Variants in ERN1 observed in about 807,000 individuals in gnomAD.
The protein encoded by ERN1 is serine/threonine-protein kinase/endoribonuclease IRE1.
A neutral mutation model predicts 113.1 loss-of-function variants in ERN1; 39 were observed. The observed-to-expected ratio is 0.34, with a 90% CI of 0.27 to 0.45. ERN1 has a LOEUF of 0.45. Among genes scored for constraint, ERN1 ranks in the 20% least tolerant of loss-of-function variants. The probability of loss-of-function intolerance (pLI) is 1.00; values close to 1 mark genes in which losing one functional copy is unlikely to be tolerated. For synonymous variants in ERN1, 507 were observed against 515.9 expected (o/e 0.98, Z 0.23); for missense variants, 976 against 1,274.8 (o/e 0.77, Z 3.57).
chr17:64,092,112 G>A (rs936014088), intron 2 of ERN1, among the ~76,000 whole-genome samples: 1 of 152,128 alleles, frequency 6.6e-6, no homozygotes, highest in African/African-American at 2.4e-5. Flanking sequence ...GGCATGGATG[G>A]TGGTCAGGAG....
At chr17:64,086,020 A>G (rs964360141) in intron 2 of ERN1, among the ~76,000 whole-genome samples, 1 of 152,190 alleles carries the variant, frequency 6.6e-6, no homozygotes, top group African/African-American at 2.4e-5. Context: ...ATCTCTATAA[A>G]GGGACAATGC....
At chr17:64,045,860 C>T (rs916601457) in intron 19 of ERN1, among the ~76,000 whole-genome samples, 1 of 152,214 alleles carries the variant, frequency 6.6e-6, no homozygotes, top group Admixed American at 6.5e-5. Context: ...GCATCCCGTG[C>T]TTTGTCTACT....
Position 64,060,520 on chromosome 17 carries a change from T to C in ERN1, c.1155A>G (p.Lys385=). The change falls in exon 11 of 22, where the codon AAA becomes AAG. Residue 385 remains lysine (K), a synonymous_variant. Coordinates refer to ENST00000433197, the MANE Select transcript of ERN1 (RefSeq NM_001433.5). ...MLERFPNNLP[K]HRENVIPADS... is the part of the protein sequence containing the mutation. Reference sequence around the variant, plus strand: ...CAGCAGGAATCACATTTTCCCGATGTTTGGGTAGATTGTTGGGAAATCTCT... The same window carrying C: ...CAGCAGGAATCACATTTTCCCGATGCTTGGGTAGATTGTTGGGAAATCTCT... 2 of 1,613,974 alleles carry C rather than the reference T, an allele frequency of 1.2e-6. No individual in the cohort carries two copies. Among genetic ancestry groups the C allele is most frequent in the Non-Finnish European group, 1.7e-6 (2 of 1,179,860 alleles).
chr17:64,051,216 G>C (rs1912673262), intron 17 of ERN1, among the ~76,000 whole-genome samples: 1 of 151,722 alleles, frequency 6.6e-6, no homozygotes, highest in South Asian at 2.1e-4. Context: ...ACAGAAAAAT[G>C]TCAGCTAACA....
intron 5 of ERN1, 171 bp downstream of exon 5, chr17:64,075,004 G>A (rs1450522169): frequency 1.0e-5 from 6 of 601,112 alleles, no homozygotes; most frequent in Non-Finnish European, 1.8e-5. Context: ...AGTTGGGGGA[G>A]CCCTTTCTTA....
intron 1 of ERN1, among the ~76,000 whole-genome samples, chr17:64,115,536 G>A (rs1415230833): frequency 6.6e-6 from 1 of 152,158 alleles, no homozygotes; most frequent in East Asian, 1.9e-4. Context: ...GTCCTGCCCA[G>A]AGCAGTTCCA....
At chr17:64,084,282 CT>C (rs1255997836) in intron 2 of ERN1, among the ~76,000 whole-genome samples, 1 of 152,184 alleles carries the variant, frequency 6.6e-6, no homozygotes, top group Non-Finnish European at 1.5e-5. Context: ...CTATTTCTCC[CT>C]AACACATGCT....
chr17:64,112,641 G>A (rs2143485609), intron 1 of ERN1, among the ~76,000 whole-genome samples: 1 of 152,280 alleles, frequency 6.6e-6, no homozygotes, highest in Admixed American at 6.5e-5. Context: ...TCCATAAAAT[G>A]GGGATAATGC....
rs889098408 is a variant in ERN1, at chr17:64,054,463, G to T, written c.1764-24C>A. 7 of 1,544,920 alleles carry T rather than the reference G, an allele frequency of 4.5e-6. No homozygotes were observed. Among genetic ancestry groups the T allele is most frequent in the Non-Finnish European group, 6.1e-6 (7 of 1,141,322 alleles). On this transcript the variant is annotated intron_variant, in intron 14 of 21. Transcript: ENST00000433197. This position sits in a 1 kb window ranked among gnomAD's most constrained non-coding sequence, Gnocchi z 4.9. ...CCCTGCGGGATGAGGAGTGGGAGTT[G>T]TGTCTGGGAAGCACGAGTCAGGCTG... is the stretch of plus-strand genomic sequence containing the variant.
chr17:64,098,391 T>G (rs1914289757), intron 1 of ERN1, 150 bp from the exon 2 acceptor site: 7 of 1,005,284 alleles, frequency 7.0e-6, no homozygotes, highest in Non-Finnish European at 1.1e-5. Flanking sequence ...AAATTCCCAC[T>G]CAGTCAGGAC....
chr17:64,044,258 T>G lies in ERN1; in HGVS notation c.2722-58A>C, dbSNP rs75766467. The G allele has an allele frequency of 7.1e-5, 87 of 1,221,798 alleles. No individual in the cohort carries two copies. In the East Asian group the frequency reaches 2.1e-3, roughly 30 times the overall value. 75.7% of individuals were successfully genotyped at this position (1,221,798 alleles called of 1,614,324 possible). ...AAGGGGTTAGAAAGCTCGGGAAATG[T>G]TGGCAAAACACCCTTTCATCATGCA... On this transcript the variant is annotated intron_variant, in intron 21 of 21. Transcript: ENST00000433197. The surrounding 1 kb of genome is among the most constrained non-coding windows in gnomAD (Gnocchi z 4.1).
At chr17:64,084,818 G>A (rs1183909330) in intron 2 of ERN1, among the ~76,000 whole-genome samples, 1 of 152,098 alleles carries the variant, frequency 6.6e-6, no homozygotes, top group Non-Finnish European at 1.5e-5. Flanking sequence ...CAGCCATGCC[G>A]GCCTCCAAGT....
chr17:64,108,281 T>A (rs930593233), intron 1 of ERN1, among the ~76,000 whole-genome samples: 1 of 152,106 alleles, frequency 6.6e-6, no homozygotes, highest in Non-Finnish European at 1.5e-5. Flanking sequence ...AATAGGTGAA[T>A]ACAGTTCCCC....
intron 1 of ERN1, among the ~76,000 whole-genome samples, chr17:64,103,948 A>C (rs8076809): frequency 0.43 from 64,846 of 151,964 alleles, 18,470 homozygotes; most frequent in African/African-American, 0.82. Flanking sequence ...CAGCAAAAAA[A>C]CCACAGCTTC....
chr17:64,127,757 CAAAA>C (rs775462648), intron 1 of ERN1, among the ~76,000 whole-genome samples: 1 of 87,988 alleles, frequency 1.1e-5, no homozygotes, highest in Non-Finnish European at 2.5e-5. Context: ...AACTCCATAT[CAAAA>C]AAAAAAAAAA....
At chr17:64,119,314 T>C (rs1193843809) in intron 1 of ERN1, among the ~76,000 whole-genome samples, 2 of 151,122 alleles carry the variant, frequency 1.3e-5, no homozygotes, top group African/African-American at 2.4e-5. Context: ...TTACCTGCTC[T>C]TTAAAAGTTG....
intron 17 of ERN1, 44 bp downstream of exon 17, chr17:64,052,736 G>A (rs547240330): frequency 2.6e-6 from 4 of 1,561,016 alleles, no homozygotes; most frequent in Admixed American, 1.7e-5. Flanking sequence ...AAGATACAAT[G>A]GGCTGGTTCT....
At chr17:64,129,820 C>T in intron 1 of ERN1, 156 bp downstream of exon 1, 1 of 628,400 alleles carries the variant, frequency 1.6e-6, no homozygotes, top group Non-Finnish European at 2.3e-6. Context: ...CCGCCTCCTA[C>T]GCCCGGCCCG....
At chr17:64,064,872 G>C (rs1041780493) in intron 9 of ERN1, among the ~76,000 whole-genome samples, 1 of 152,198 alleles carries the variant, frequency 6.6e-6, no homozygotes, top group Non-Finnish European at 1.5e-5. Context: ...AGGTGCACAT[G>C]GTTGGGCCAC....
Sources: gnomAD v4.1 joint callset for allele counts (sites outside exome capture counted in the v4.1 genomes callset) on GRCh38, gnomAD v4.1.1 for gene constraint, Gnocchi (gnomAD v3.1) non-coding constraint, MANE v1.5 for transcripts, NCBI Gene and HGNC (gene_info 2026-07-23, HGNC 2026-07-21) for gene names.